CACNG3: variants seen among roughly 807,000 people sequenced by gnomAD.
The protein encoded by CACNG3 is voltage-dependent calcium channel gamma-3 subunit.
Under a neutral mutation model 28.5 loss-of-function variants are expected in CACNG3, and 3 were observed. That is an observed-to-expected ratio of 0.11 (90% CI 0.05 to 0.27). The LOEUF (loss-of-function observed/expected upper bound fraction) is 0.27, where lower values mean the gene tolerates loss of function less well. Ranked by LOEUF, CACNG3 falls within the 10% of genes least tolerant of loss-of-function variation. CACNG3 has a pLI of 1.00. For synonymous variants in CACNG3, 174 were observed against 162.2 expected (o/e 1.07, Z -0.55); for missense variants, 236 against 414.4 (o/e 0.57, Z 3.74).
intron 1 of CACNG3, among the ~76,000 whole-genome samples, chr16:24,311,404 G>T (rs950570597): frequency 6.6e-6 from 1 of 152,164 alleles, no homozygotes. Flanking sequence ...AGCTACTCAG[G>T]AGGCTGAGGC....
intron 1 of CACNG3, among the ~76,000 whole-genome samples, chr16:24,269,707 A>G (rs1322804877): frequency 2.8e-5 from 4 of 141,956 alleles, no homozygotes; most frequent in African/African-American, 1.1e-4. Flanking sequence ...AGATAGCACC[A>G]TTGCACTCCA....
intron 3 of CACNG3, among the ~76,000 whole-genome samples, chr16:24,356,664 T>G (rs1596654217): frequency 1.3e-5 from 2 of 152,272 alleles, no homozygotes; most frequent in South Asian, 4.1e-4. Flanking sequence ...ATCACACCAC[T>G]GCACTCCAGC....
At chr16:24,318,745 G>C (rs1372267802) in intron 1 of CACNG3, among the ~76,000 whole-genome samples, 1 of 152,184 alleles carries the variant, frequency 6.6e-6, no homozygotes, top group African/African-American at 2.4e-5. Context: ...GCTCTAACCA[G>C]AGGAAGGGCA....
intron 1 of CACNG3, among the ~76,000 whole-genome samples, chr16:24,282,105 C>G (rs1898836162): frequency 6.6e-6 from 1 of 152,232 alleles, no homozygotes; most frequent in Non-Finnish European, 1.5e-5. Flanking sequence ...AGCAGGCTTT[C>G]AAACATGACT....
intron 1 of CACNG3, among the ~76,000 whole-genome samples, chr16:24,340,842 C>T (rs920953791): frequency 5.3e-5 from 8 of 152,294 alleles, no homozygotes; most frequent in African/African-American, 9.6e-5. Context: ...TCCTGTCCTC[C>T]GTCACCTGGG....
intron 1 of CACNG3, among the ~76,000 whole-genome samples, chr16:24,329,543 G>T (rs1316535938): frequency 2.0e-5 from 3 of 152,178 alleles, no homozygotes; most frequent in Admixed American, 1.3e-4. Flanking sequence ...TATGTAGTTT[G>T]CAGGGAACAG....
rs1348452180 is a variant in CACNG3 at position 24,257,368 on chromosome 16, G to A, written c.211+403G>A. Among the ~76,000 whole-genome samples, 23 of 52,862 alleles carry A rather than the reference G, an allele frequency of 4.4e-4. 3 individuals are homozygous for A. The highest frequency in any genetic ancestry group is 1.8e-3 in the South Asian group (2 of 1,120). The allele number at this position is 52,862 out of a possible 152,430, so 34.7% of individuals were successfully genotyped here. A position where few individuals can be genotyped will look rare whatever the true frequency, so the allele number is the denominator to read the frequency against. On this transcript the variant is annotated intron_variant, in intron 1 of 3. Transcript: ENST00000005284. The stretch of plus-strand genomic sequence containing the variant: ...GGGACAAGAGGAAAGAAGTGAGGGG[G>A]GAGAGAGAGAGAGAGAGAGAGAGAG...
chr16:24,332,668 T>A (rs62026762), intron 1 of CACNG3, among the ~76,000 whole-genome samples: 10,522 of 152,086 alleles, frequency 0.069, 467 homozygotes, highest in Non-Finnish European at 0.1. Context: ...TATGAATTCA[T>A]TATCCAAATC....
rs1162667789 is a variant in CACNG3 at position 24,265,412 on chromosome 16, GAAGA to G, written c.211+8453_211+8456del. Among the ~76,000 whole-genome samples, 294 of 126,874 alleles carry G rather than the reference GAAGA, an allele frequency of 2.3e-3. 2 individuals carry two copies. The highest frequency in any genetic ancestry group is 8.6e-3 in the African/African-American group (275 of 32,124). 83.2% of individuals were successfully genotyped at this position (126,874 alleles called of 152,430 possible). A position where few individuals can be genotyped will look rare whatever the true frequency, so the allele number is the denominator to read the frequency against. ...GAAAGAAGAAAGAAAGAAAAAGAAA[GAAGA>G]AAGAAGGAAGGAAGGAGAGAGAGAG... On this transcript the variant is annotated intron_variant, in intron 1 of 3. Coordinates refer to ENST00000005284, the MANE Select transcript of CACNG3 (RefSeq NM_006539.4).
chr16:24,300,884 A>G (rs1474958499), intron 1 of CACNG3, among the ~76,000 whole-genome samples: 1 of 152,090 alleles, frequency 6.6e-6, no homozygotes, highest in African/African-American at 2.4e-5. Flanking sequence ...CCCCATCTCT[A>G]TGAAAAATAC....
intron 3 of CACNG3, among the ~76,000 whole-genome samples, chr16:24,359,200 C>A (rs1253753264): frequency 6.6e-6 from 1 of 152,148 alleles, no homozygotes; most frequent in African/African-American, 2.4e-5. Context: ...AAGCCACCTT[C>A]ATTGAGCTGA....
chr16:24,259,705 C>T (rs1331791066), intron 1 of CACNG3, among the ~76,000 whole-genome samples: 1 of 152,084 alleles, frequency 6.6e-6, no homozygotes, highest in South Asian at 2.1e-4. Context: ...TTCTGTGTGG[C>T]CTCAAGGAGG....
intron 1 of CACNG3, among the ~76,000 whole-genome samples, chr16:24,299,719 A>C (rs771686178): frequency 1.3e-5 from 2 of 152,160 alleles, no homozygotes; most frequent in Non-Finnish European, 2.9e-5. Context: ...CATGTATGAG[A>C]CTGTTTATTC....
chr16:24,344,427 C>T (rs573352693), intron 1 of CACNG3, among the ~76,000 whole-genome samples: 20 of 147,938 alleles, frequency 1.4e-4, no homozygotes, highest in African/African-American at 5.0e-4. Context: ...AAAAAAAATG[C>T]ATAAATGCTT....
intron 1 of CACNG3, among the ~76,000 whole-genome samples, chr16:24,305,264 A>G (rs1899169672): frequency 6.6e-6 from 1 of 151,956 alleles, no homozygotes; most frequent in Non-Finnish European, 1.5e-5. Context: ...TGTGAGCCTA[A>G]AACTGCTCTA....
At chr16:24,326,876 G>C (rs1899554044) in intron 1 of CACNG3, among the ~76,000 whole-genome samples, 1 of 152,090 alleles carries the variant, frequency 6.6e-6, no homozygotes, top group South Asian at 2.1e-4. Flanking sequence ...TTAGCCCCTT[G>C]ACCAGAGAAA....
intron 1 of CACNG3, among the ~76,000 whole-genome samples, chr16:24,265,496 GAAAGA>G (rs1019313217): frequency 4.8e-5 from 7 of 146,640 alleles, no homozygotes; most frequent in African/African-American, 1.8e-4. Flanking sequence ...GAGAAAGAAG[GAAAGA>G]AAAGAAAGAA....
intron 1 of CACNG3, among the ~76,000 whole-genome samples, chr16:24,259,697 C>G (rs1218132088): frequency 6.6e-6 from 1 of 152,144 alleles, no homozygotes; most frequent in African/African-American, 2.4e-5. Flanking sequence ...TTGAGATGTT[C>G]TGTGTGGCCT....
At chr16:24,265,087 A>G (rs1596620004) in intron 1 of CACNG3, among the ~76,000 whole-genome samples, 1 of 152,072 alleles carries the variant, frequency 6.6e-6, no homozygotes, top group South Asian at 2.1e-4. Flanking sequence ...AAAAAATACA[A>G]AAAAGTTAGC....
Sources: allele counts gnomAD v4.1 joint callset (sites outside exome capture counted in the v4.1 genomes callset), GRCh38; gene constraint gnomAD v4.1.1; transcripts MANE v1.5; gene names NCBI Gene and HGNC (gene_info 2026-07-23, HGNC 2026-07-21).